The following MAP4K2 variants were observed in gnomAD, a reference collection of about 807,000 sequenced individuals.
The protein encoded by MAP4K2 is mitogen-activated protein kinase kinase kinase kinase 2, also known as B lymphocyte serine/threonine protein kinase.
A neutral mutation model predicts 125.3 loss-of-function variants in MAP4K2; 85 were observed. The ratio of observed to expected loss-of-function variants is 0.68; its 90% CI spans 0.57 to 0.81. The LOEUF (loss-of-function observed/expected upper bound fraction) is 0.81, where lower values mean the gene tolerates loss of function less well. Among genes scored for constraint, MAP4K2 ranks in the 40% least tolerant of loss-of-function variants. The probability of loss-of-function intolerance (pLI) is 0.00; values close to 1 mark genes in which losing one functional copy is unlikely to be tolerated. For synonymous variants in MAP4K2, 479 were observed against 445.1 expected (o/e 1.08, Z -0.96); for missense variants, 923 against 1,056.4 (o/e 0.87, Z 1.75).
chr11:64,796,906 C>T lies in MAP4K2; in HGVS notation c.1408-13G>A, dbSNP rs772640103. 1 of 1,613,850 alleles carries T rather than the reference C, an allele frequency of 6.2e-7. No homozygotes were observed. Among genetic ancestry groups the T allele is most frequent in the Non-Finnish European group, 8.5e-7 (1 of 1,180,016 alleles). ...AGCAGGCGCCCATCTGCAGAGGAGG[C>T]AAGAGGCTGGCGAGGGAGTGCAGGG... On this transcript the variant is annotated splice_polypyrimidine_tract_variant and intron_variant, in intron 20 of 31. Transcript: ENST00000294066.
In MAP4K2 at chr11:64,796,360, A is replaced by G. The variant is rs1940797949; in HGVS notation, c.1664T>C (p.Leu555Pro). ...GKSTHIWAHD[L>P]PGLFEQRRLQ... ...CCTCCGCTGCTCAAACAGGCCTGGG[A>G]GGTCATGGGCCCAGATGTGCGTGGA... is the stretch of plus-strand genomic sequence containing the variant. The change falls in exon 24 of 32, where the codon CTC becomes CCC. Residue 555 changes from leucine (L) to proline (P), a missense_variant. By Grantham distance (98) the Leu-to-Pro change is moderately conservative. Coordinates refer to ENST00000294066, the MANE Select transcript of MAP4K2 (RefSeq NM_004579.5). 6.3e-7 allele frequency: 1 copy of G among 1,589,390 alleles called. No individual in the cohort carries two copies. Among genetic ancestry groups the G allele is most frequent in the Non-Finnish European group, 8.6e-7 (1 of 1,166,528 alleles).
At chr11:64,795,689 C>A (rs1305818594) in intron 24 of MAP4K2, among the ~76,000 whole-genome samples, 3 of 152,138 alleles carry the variant, frequency 2.0e-5, no homozygotes, top group Non-Finnish European at 4.4e-5. Flanking sequence ...GGCGTGAGCC[C>A]CCCCGCCCAG....
At chr11:64,801,972 C>A in intron 5 of MAP4K2, 94 bp downstream of exon 5, 7 of 1,364,808 alleles carry the variant, frequency 5.1e-6, no homozygotes, top group South Asian at 2.6e-5. Flanking sequence ...CAGCCCCACC[C>A]GAGGCACTCC....
intron 11 of MAP4K2, 45 bp from the exon 12 acceptor site, chr11:64,800,261 G>A (rs534243583): frequency 5.6e-6 from 9 of 1,612,526 alleles, no homozygotes; most frequent in Non-Finnish European, 7.6e-6. Context: ...CCCTGATCCA[G>A]GGCCCTGCTT....
Position 64,790,422 on chromosome 11 carries a change from G to A in MAP4K2, c.2133C>T (p.Asp711=). ...CAAAGCTGACTAGGATTGTGTCCCT[G>A]TCCACCTGGATCACCTGCTGGGCCG... ...PGSAQQVIQV[D]RDTILVSFER... Residue 711 remains aspartate (D), a synonymous_variant, in exon 28 of 32, where the codon GAC becomes GAT. Coordinates refer to ENST00000294066, the MANE Select transcript of MAP4K2 (RefSeq NM_004579.5). 1.2e-6 allele frequency: 2 copies of A among 1,614,138 alleles called. No individual in the cohort carries two copies. Among genetic ancestry groups the A allele is most frequent in the Non-Finnish European group, 1.7e-6 (2 of 1,180,014 alleles).
rs886978797 is a variant in MAP4K2 at position 64,795,794 on chromosome 11, G to T, written c.1751+479C>A. Among the ~76,000 whole-genome samples the T allele has an allele frequency of 3.6e-4, 55 of 152,186 alleles. 1 individual carries two copies. The highest frequency in any genetic ancestry group is 1.3e-3 in the African/African-American group (55 of 41,524). Reference sequence around the variant, plus strand: ...CACAATCCTTCTGCCTCGGATTACAGGATTGGGATTACAGGCATGAACCAC... The same window carrying T: ...CACAATCCTTCTGCCTCGGATTACATGATTGGGATTACAGGCATGAACCAC... On this transcript the variant is annotated intron_variant, in intron 24 of 31. Transcript: ENST00000294066.
rs1373901588 is a variant in MAP4K2, at chr11:64,787,161, C to T, written c.*2376G>A. 1 of 151,892 alleles carries T rather than the reference C, an allele frequency of 6.6e-6. No individual in the cohort carries two copies. Among genetic ancestry groups the T allele is most frequent in the Non-Finnish European group, 1.5e-5 (1 of 68,032 alleles). The allele number at this position is 151,892 out of a possible 1,614,324, so 9.4% of individuals were successfully genotyped here. Reference sequence around the variant, plus strand: ...TCTCCTGCCTCAGCCTCCCGAGTAGCTGGGATTACAGGCACTCGCCACCAT... The same window carrying T: ...TCTCCTGCCTCAGCCTCCCGAGTAGTTGGGATTACAGGCACTCGCCACCAT... On this transcript the variant is annotated 3_prime_UTR_variant, in exon 32 of 32. Transcript: ENST00000294066.
intron 24 of MAP4K2, among the ~76,000 whole-genome samples, chr11:64,793,231 A>T (rs1044326491): frequency 2.6e-5 from 4 of 152,094 alleles, no homozygotes; most frequent in African/African-American, 9.7e-5. Flanking sequence ...AAAAAGAAAA[A>T]GAAAAAAGGA....
At chr11:64,802,295 G>A (rs1284493517) in intron 4 of MAP4K2, 124 bp downstream of exon 4, 1 of 1,169,122 alleles carries the variant, frequency 8.6e-7, no homozygotes. Context: ...TTCTCTCAAG[G>A]TCACACAGCC....
At chr11:64,794,777 C>T (rs979925541) in intron 24 of MAP4K2, among the ~76,000 whole-genome samples, 1 of 152,188 alleles carries the variant, frequency 6.6e-6, no homozygotes, top group African/African-American at 2.4e-5. Context: ...TGCCTAGAAA[C>T]CCTGACACAC....
chr11:64,799,758 G>A (rs537817287), intron 12 of MAP4K2, 75 bp from the exon 13 acceptor site: 15 of 1,217,726 alleles, frequency 1.2e-5, no homozygotes, highest in African/African-American at 1.5e-5. Context: ...AGCTTCACAC[G>A]CACCAGTGCG....
Position 64,803,204 on chromosome 11 carries a change from CG to C in MAP4K2, c.-56del. 1 of 713,948 alleles carries C rather than the reference CG, an allele frequency of 1.4e-6. No individual in the cohort carries two copies. 44.2% of individuals were successfully genotyped at this position (713,948 alleles called of 1,614,324 possible). On this transcript the variant is annotated 5_prime_UTR_variant, in exon 1 of 32. Coordinates refer to ENST00000294066, the MANE Select transcript of MAP4K2 (RefSeq NM_004579.5). ...GCGGGCGCGAGCTGCGGAGCCGGCGCGGGGCGGCGCGGGGCGGGGCGGGCGC... is the reference window on the plus strand; with the variant it reads ...GCGGGCGCGAGCTGCGGAGCCGGCGCGGGCGGCGCGGGGCGGGGCGGGCGC...
At position 64,785,927 on chromosome 11, in the gene MAP4K2, G is replaced by C. The variant is rs1440166201; in HGVS notation, c.*3610C>G. On this transcript the variant is annotated 3_prime_UTR_variant, in exon 32 of 32. Coordinates refer to ENST00000294066, the MANE Select transcript of MAP4K2 (RefSeq NM_004579.5). ...ACATAATATTTGATACATACAAAAG[G>C]ATGTGTGGCACCTTATGTGAGTTAG... The C allele has an allele frequency of 6.6e-6, 1 of 152,088 alleles. No individual in the cohort carries two copies. The highest frequency in any genetic ancestry group is 2.4e-5 in the African/African-American group (1 of 41,396). 9.4% of individuals were successfully genotyped at this position (152,088 alleles called of 1,614,324 possible).
intron 6 of MAP4K2, 26 bp from the exon 7 acceptor site, chr11:64,801,647 C>G (rs777125131): frequency 2.5e-6 from 4 of 1,613,810 alleles, no homozygotes; most frequent in Non-Finnish European, 3.4e-6. Context: ...AGAGACAATC[C>G]CATCTGGTGC....
At chr11:64,797,995 C>T (rs1459314920) in intron 15 of MAP4K2, among the ~76,000 whole-genome samples, 4 of 148,460 alleles carry the variant, frequency 2.7e-5, no homozygotes, top group South Asian at 4.3e-4. Flanking sequence ...ATGAGCCACA[C>T]CCGGGCTTTT....
Position 64,796,367 on chromosome 11 carries a change from G to A in MAP4K2, c.1657C>T (p.His553Tyr). 1 of 1,594,982 alleles carries A rather than the reference G, an allele frequency of 6.3e-7. No individual in the cohort carries two copies. The highest frequency in any genetic ancestry group is 8.6e-7 in the Non-Finnish European group (1 of 1,169,318). ...LSGKSTHIWA[H>Y]DLPGLFEQRR... ...TGCTCAAACAGGCCTGGGAGGTCAT[G>A]GGCCCAGATGTGCGTGGATTTCCCT... is the stretch of plus-strand genomic sequence containing the variant. Residue 553 changes from histidine to tyrosine, a missense_variant, in exon 24 of 32, where the codon CAT (histidine) becomes TAT (tyrosine). His to Tyr is a moderately conservative substitution (Grantham distance 83, BLOSUM62 2). Coordinates refer to ENST00000294066, the MANE Select transcript of MAP4K2 (RefSeq NM_004579.5).
intron 21 of MAP4K2, 30 bp downstream of exon 21, chr11:64,796,779 G>A: frequency 6.2e-7 from 1 of 1,613,614 alleles, no homozygotes; most frequent in African/African-American, 1.3e-5. Context: ...GGATTCCTTG[G>A]GCTCCCGCTT....
chr11:64,795,198 C>T (rs1044229685), intron 24 of MAP4K2, among the ~76,000 whole-genome samples: 2 of 151,552 alleles, frequency 1.3e-5, no homozygotes, highest in Non-Finnish European at 2.9e-5. Flanking sequence ...ATTCTTCTGC[C>T]TCAGCCTCCC....
rs1419498983 is a variant in MAP4K2, at chr11:64,792,199, C to T, written c.1887G>A (p.Glu629=). ...TCAGCAGCAGAAACTTCTGCAGCGG[C>T]TCATACCACTGCAGCAGGAGCAGGC... The part of the protein sequence containing the change: ...PTSLLLLQWY[E]PLQKFLLLKN... Residue 629 remains glutamate, a synonymous_variant, in exon 26 of 32, where the codon GAG becomes GAA. Coordinates refer to ENST00000294066, the MANE Select transcript of MAP4K2 (RefSeq NM_004579.5). 3 of 1,612,082 alleles carry T rather than the reference C, an allele frequency of 1.9e-6. No individual in the cohort carries two copies. Among genetic ancestry groups the T allele is most frequent in the Non-Finnish European group, 2.5e-6 (3 of 1,179,650 alleles).
Sources: allele counts gnomAD v4.1 joint callset (sites outside exome capture counted in the v4.1 genomes callset), GRCh38; gene constraint gnomAD v4.1.1; transcripts MANE v1.5; gene names NCBI Gene and HGNC (gene_info 2026-07-23, HGNC 2026-07-21).